TBC1D32: variants seen among roughly 807,000 people sequenced by gnomAD.
TBC1D32 encodes the protein TBC1 domain family member 32.
A neutral mutation model predicts 170.3 loss-of-function variants in TBC1D32; 151 were observed. That is an observed-to-expected ratio of 0.89 (90% CI 0.78 to 1.01). TBC1D32 has a LOEUF of 1.01. Among genes scored for constraint, TBC1D32 ranks in the 50% least tolerant of loss-of-function variants. TBC1D32 has a pLI of 0.00. For missense variants in TBC1D32, 1,464 were observed against 1,457.1 expected, an observed-to-expected ratio of 1.00 and a Z score of -0.08; for synonymous variants, 498 against 488.0, an observed-to-expected ratio of 1.02 and a Z score of -0.27.
chr6:121,121,047 G>GTA (rs368377187), intron 26 of TBC1D32, among the ~76,000 whole-genome samples: 1,892 of 151,768 alleles, frequency 0.012, 38 homozygotes, highest in African/African-American at 0.043. Flanking sequence ...TATAGTATGT[G>GTA]TATATATATA....
chr6:121,317,591 C>G lies in TBC1D32; in HGVS notation c.399G>C (p.Glu133Asp), dbSNP rs1311508125. 6.2e-7 allele frequency: 1 copy of G among 1,611,982 alleles called. No individual in the cohort carries two copies. The highest frequency in any genetic ancestry group is 8.5e-7 in the Non-Finnish European group (1 of 1,179,070). Residue 133 changes from glutamate to aspartate, a missense_variant, in exon 3 of 32, where the codon GAG (glutamate) becomes GAC (aspartate). Coordinates refer to ENST00000398212, the MANE Select transcript of TBC1D32 (RefSeq NM_152730.6). ...TTTTCTGCCTTTCTTGATTTCGTGT[C>G]TCATCTTCTTCAAACTTGTTAATCA... ...ESMINKFEED[E>D]TRNQERQKKI...
intron 29 of TBC1D32, among the ~76,000 whole-genome samples, chr6:121,111,672 T>C (rs964126466): frequency 1.3e-5 from 2 of 152,152 alleles, no homozygotes; most frequent in Non-Finnish European, 2.9e-5. Context: ...TATAGCTACT[T>C]GAAGCATAAC....
At chr6:121,170,903 G>T (rs561512291) in intron 22 of TBC1D32, among the ~76,000 whole-genome samples, 1 of 152,042 alleles carries the variant, frequency 6.6e-6, no homozygotes, top group Admixed American at 6.6e-5. Flanking sequence ...AGTTATGACA[G>T]AATCATCATT....
chr6:121,305,998 T>C (rs1175793909), intron 5 of TBC1D32, among the ~76,000 whole-genome samples: 2 of 152,102 alleles, frequency 1.3e-5, no homozygotes, highest in African/African-American at 4.8e-5. Context: ...TCATAATTTA[T>C]AAAATAAAGG....
intron 30 of TBC1D32, among the ~76,000 whole-genome samples, chr6:121,103,190 T>C (rs912826298): frequency 1.2e-4 from 18 of 152,120 alleles, no homozygotes; most frequent in Non-Finnish European, 2.1e-4. Context: ...TCCTCAACGA[T>C]CTAGAACTAG....
rs139983422 is a variant in TBC1D32, at chr6:121,224,698, A to G, written c.2365-1346T>C. On this transcript the variant is annotated intron_variant, in intron 20 of 31. Coordinates refer to ENST00000398212, the MANE Select transcript of TBC1D32 (RefSeq NM_152730.6). ...GTTCTACATCCTTCTTTGAGGACCT[A>G]TGAAGTCAAGTCCATGTTATATCTC... Among the ~76,000 whole-genome samples the G allele has an allele frequency of 1.2e-3, 186 of 152,226 alleles. 1 individual carries two copies. Among genetic ancestry groups the G allele is most frequent in the Non-Finnish European group, 6.9e-4 (47 of 67,982 alleles).
At chr6:121,304,669 G>A in intron 6 of TBC1D32, 44 bp from the exon 7 acceptor site, 1 of 1,542,826 alleles carries the variant, frequency 6.5e-7, no homozygotes, top group Non-Finnish European at 8.8e-7. Context: ...TTCATTTACA[G>A]TGCTTTCTGA....
At chr6:121,226,377 TAGC>T (rs1795069312) in intron 20 of TBC1D32, among the ~76,000 whole-genome samples, 1 of 152,144 alleles carries the variant, frequency 6.6e-6, no homozygotes, top group African/African-American at 2.4e-5. Context: ...TCTGTATAAG[TAGC>T]AGGCAGGCAG....
chr6:121,233,950 G>A (rs1245664986), intron 20 of TBC1D32, among the ~76,000 whole-genome samples: 2 of 149,750 alleles, frequency 1.3e-5, no homozygotes, highest in Non-Finnish European at 2.9e-5. Flanking sequence ...GAAAAAGACT[G>A]TATCTTTCTT....
chr6:121,321,181 A>G (rs1407894170), intron 2 of TBC1D32, among the ~76,000 whole-genome samples: 1 of 152,238 alleles, frequency 6.6e-6, no homozygotes, highest in Non-Finnish European at 1.5e-5. Context: ...TGCTGTAGGA[A>G]CTTAACTGTT....
At chr6:121,185,387 C>T (rs1789062607) in intron 22 of TBC1D32, among the ~76,000 whole-genome samples, 2 of 152,190 alleles carry the variant, frequency 1.3e-5, no homozygotes, top group South Asian at 2.1e-4. Flanking sequence ...CTTACAAATG[C>T]CACTTTCACT....
intron 3 of TBC1D32, among the ~76,000 whole-genome samples, chr6:121,315,496 A>T (rs1461052373): frequency 6.6e-6 from 1 of 152,166 alleles, no homozygotes; most frequent in East Asian, 1.9e-4. Flanking sequence ...TTTTTCAATA[A>T]TGGGTCAAAA....
intron 1 of TBC1D32, 52 bp from the exon 2 acceptor site, chr6:121,321,846 G>GAA: frequency 7.1e-7 from 1 of 1,416,204 alleles, no homozygotes; most frequent in Non-Finnish European, 9.4e-7. Context: ...AGCATATTCA[G>GAA]AAAAAAAAAT....
chr6:121,244,182 A>T (rs867770608), intron 17 of TBC1D32, among the ~76,000 whole-genome samples: 7 of 152,106 alleles, frequency 4.6e-5, no homozygotes, highest in East Asian at 3.9e-4. Context: ...AATATTTTTT[A>T]AAAATTTATA....
intron 21 of TBC1D32, among the ~76,000 whole-genome samples, chr6:121,208,747 A>AAAAAAAAAC (rs1554269715): frequency 1.3e-5 from 2 of 150,280 alleles, no homozygotes; most frequent in Non-Finnish European, 3.0e-5. Flanking sequence ...AAAAAAAAAA[A>AAAAAAAAAC]CAGAAATTAA....
chr6:121,202,279 G>GGA (rs1791674101), intron 22 of TBC1D32, among the ~76,000 whole-genome samples: 1 of 114,034 alleles, frequency 8.8e-6, no homozygotes, highest in Non-Finnish European at 1.7e-5. Flanking sequence ...ACTAGAGAAT[G>GGA]AAAAAAAAAA....
At chr6:121,275,346 T>A (rs1395473000) in intron 15 of TBC1D32, among the ~76,000 whole-genome samples, 1 of 152,208 alleles carries the variant, frequency 6.6e-6, no homozygotes, top group African/African-American at 2.4e-5. Flanking sequence ...CTACTTTTTA[T>A]AATAAACCTT....
chr6:121,141,152 T>G (rs1212963407), intron 24 of TBC1D32, among the ~76,000 whole-genome samples: 1 of 152,164 alleles, frequency 6.6e-6, no homozygotes, highest in Non-Finnish European at 1.5e-5. Context: ...AAACTCACTG[T>G]AAGGTACAAA....
intron 15 of TBC1D32, among the ~76,000 whole-genome samples, chr6:121,269,145 C>A (rs1800982168): frequency 6.6e-6 from 1 of 152,152 alleles, no homozygotes; most frequent in African/African-American, 2.4e-5. Flanking sequence ...CTGGTACCAG[C>A]CACTGCAAAA....
Sources: gnomAD v4.1 joint callset for allele counts (sites outside exome capture counted in the v4.1 genomes callset) on GRCh38, gnomAD v4.1.1 for gene constraint, MANE v1.5 for transcripts, NCBI Gene and HGNC (gene_info 2026-07-23, HGNC 2026-07-21) for gene names.